Variants in PTPRU observed in about 807,000 individuals in gnomAD.
PTPRU encodes the protein receptor-type tyrosine-protein phosphatase U.
A neutral mutation model predicts 166.3 loss-of-function variants in PTPRU; 69 were observed. The ratio of observed to expected loss-of-function variants is 0.41; its 90% CI spans 0.34 to 0.51. PTPRU has a LOEUF of 0.51. Among genes scored for constraint, PTPRU ranks in the 20% least tolerant of loss-of-function variants. The pLI is 0.09. For synonymous variants in PTPRU, 793 were observed against 814.0 expected, an observed-to-expected ratio of 0.97 and a Z score of 0.44; for missense variants, 1,657 against 2,013.7, an observed-to-expected ratio of 0.82 and a Z score of 3.39.
rs780351139 is a variant in PTPRU at position 29,315,451 on chromosome 1, A to G, written c.3307A>G (p.Ile1103Val). The change falls in exon 23 of 30, where the codon ATT becomes GTT. Residue 1103 changes from isoleucine to valine, a missense_variant. Physicochemically the swap from Ile to Val is conservative, Grantham distance 29. Around this residue, in one of 3 missense-constraint regions of PTPRU, gnomAD observed 1,190 missense variants for 1,477.4 expected, o/e 0.81. Transcript: ENST00000373779. The surrounding 1 kb of genome is among the most constrained non-coding windows in gnomAD (Gnocchi z 4.5). ...GGCAGAGTGTGAGGGCGTCGTGGACATTTACAACTGTGTGAAGACTCTCTG... is the reference window on the plus strand; with the variant it reads ...GGCAGAGTGTGAGGGCGTCGTGGACGTTTACAACTGTGTGAAGACTCTCTG... ...DMAECEGVVD[I>V]YNCVKTLCSR... is the part of the protein sequence containing the mutation. 2 of 1,614,068 alleles carry G rather than the reference A, an allele frequency of 1.2e-6. No individual in the cohort carries two copies. Among genetic ancestry groups the G allele is most frequent in the Non-Finnish European group, 1.7e-6 (2 of 1,179,994 alleles).
Position 29,315,313 on chromosome 1 carries a change from C to T in PTPRU, c.3228-59C>T. 1 of 1,606,276 alleles carries T rather than the reference C, an allele frequency of 6.2e-7. No individual in the cohort carries two copies. The highest frequency in any genetic ancestry group is 8.5e-7 in the Non-Finnish European group (1 of 1,175,328). On this transcript the variant is annotated intron_variant, in intron 22 of 29. Transcript: ENST00000373779. The surrounding 1 kb of genome is among the most constrained non-coding windows in gnomAD (Gnocchi z 4.5). ...GCCAGTGCCCTCCTCTCTTCTTCTC[C>T]TTAGTCCCGGGCTTCCTCCCCAAAG... is the stretch of plus-strand genomic sequence containing the variant.
In PTPRU at chr1:29,259,291, C is replaced by T. The variant is rs200344921; in HGVS notation, c.508C>T (p.Arg170Cys). ...VLFEALISPD[R>C]RGYMGLDDIL... ...GTTTGAGGCCCTCATCTCCCCAGAC[C>T]GCAGGGGCTACATGGGCCTAGATGA... The change falls in exon 4 of 30, where the codon CGC becomes TGC. Residue 170 changes from arginine to cysteine, a missense_variant. By Grantham distance (180) the Arg-to-Cys change is radical (BLOSUM62 -3). Transcript: ENST00000373779. 1.2e-6 allele frequency: 2 copies of T among 1,614,070 alleles called. No homozygotes were observed. The highest frequency in any genetic ancestry group is 2.2e-5 in the East Asian group (1 of 44,866).
intron 5 of PTPRU, 100 bp downstream of exon 5, chr1:29,259,664 A>T (rs1684949177): frequency 9.4e-6 from 12 of 1,280,970 alleles, no homozygotes; most frequent in East Asian, 2.5e-5. Flanking sequence ...CCTGCTTCAT[A>T]CTCCAGCACT....
At chr1:29,301,852 C>G (rs534618992) in intron 15 of PTPRU, among the ~76,000 whole-genome samples, 10 of 152,268 alleles carry the variant, frequency 6.6e-5, no homozygotes, top group African/African-American at 2.4e-4. Flanking sequence ...TCTGTCCTTG[C>G]AACAGTTTGC....
intron 7 of PTPRU, among the ~76,000 whole-genome samples, chr1:29,263,383 A>C (rs4512613): frequency 0.14 from 20,734 of 152,206 alleles, 2,408 homozygotes; most frequent in East Asian, 0.64. Context: ...CCATTATACA[A>C]ATATATCACA....
chr1:29,273,081 A>C (rs1231138961), intron 7 of PTPRU, among the ~76,000 whole-genome samples: 1 of 152,048 alleles, frequency 6.6e-6, no homozygotes, highest in African/African-American at 2.4e-5. Flanking sequence ...ACTATACTTC[A>C]TGGAATCAGA....
At chr1:29,249,892 G>C (rs1389470589) in intron 1 of PTPRU, among the ~76,000 whole-genome samples, 11 of 152,146 alleles carry the variant, frequency 7.2e-5, no homozygotes, top group Admixed American at 7.2e-4. Context: ...AATTCAAAAT[G>C]AGGCCCAGCT....
Position 29,311,628 on chromosome 1 carries a change from C to G in PTPRU, c.2956-15C>G. 6.2e-7 allele frequency: 1 copy of G among 1,614,038 alleles called. No individual in the cohort carries two copies. The highest frequency in any genetic ancestry group is 8.5e-7 in the Non-Finnish European group (1 of 1,179,878). ...AGCAAAGAGCCCACTGAGTCCCGTC[C>G]TGTGGGGCCTCTAGGTGAAATGCTC... On this transcript the variant is annotated splice_polypyrimidine_tract_variant and intron_variant, in intron 20 of 29. Coordinates refer to ENST00000373779, the MANE Select transcript of PTPRU (RefSeq NM_133178.4). This position sits in a 1 kb window ranked among gnomAD's most constrained non-coding sequence, Gnocchi z 4.1.
intron 14 of PTPRU, among the ~76,000 whole-genome samples, chr1:29,288,122 A>G (rs1686446203): frequency 6.6e-6 from 1 of 152,172 alleles, no homozygotes; most frequent in Non-Finnish European, 1.5e-5. Context: ...CCCAGGCTTA[A>G]CCTCACTTTT....
chr1:29,321,508 G>A (rs952791664), intron 26 of PTPRU, among the ~76,000 whole-genome samples: 10 of 152,168 alleles, frequency 6.6e-5, no homozygotes, highest in African/African-American at 2.4e-4. Context: ...GCAGAGCTGT[G>A]CTCCCCAGCC....
chr1:29,308,585 A>AAAG (rs1003417351), intron 18 of PTPRU, among the ~76,000 whole-genome samples: 5 of 150,496 alleles, frequency 3.3e-5, no homozygotes, highest in African/African-American at 1.2e-4. Context: ...AAAAAAAAAA[A>AAAG]AGAGAGAGAG....
At chr1:29,307,244 C>G (rs1011453579) in intron 18 of PTPRU, 49 of 1,440,694 alleles carry the variant, frequency 3.4e-5, no homozygotes, top group Non-Finnish European at 4.2e-5. Flanking sequence ...CTGTCTGTCT[C>G]TCTGTCTCTG....
At chr1:29,245,676 GCCATGGT>G (rs1406543502) in intron 1 of PTPRU, among the ~76,000 whole-genome samples, 8 of 83,934 alleles carry the variant, frequency 9.5e-5, no homozygotes, top group African/African-American at 6.8e-4. Context: ...CCATGATCCT[GCCATGGT>G]CCTGCCATGT....
intron 2 of PTPRU, 78 bp downstream of exon 2, chr1:29,255,484 G>C: frequency 1.3e-6 from 2 of 1,571,848 alleles, no homozygotes; most frequent in Non-Finnish European, 1.7e-6. Flanking sequence ...GTGACCTTGG[G>C]CACATTACTT....
chr1:29,325,968 T>TTTTTTAATGATAC lies in PTPRU; in HGVS notation c.*307_*308insTTTTTAATGATAC. On this transcript the variant is annotated 3_prime_UTR_variant, in exon 30 of 30. Transcript: ENST00000373779. ...CAGAGTGACAAAGGCTCAGGACGGC[T>TTTTTTAATGATAC]GGCTCTGGGGGACTCAGGCCAAGCC... 9 of 447,462 alleles carry TTTTTTAATGATAC rather than the reference T, an allele frequency of 2.0e-5. No individual in the cohort carries two copies. The highest frequency in any genetic ancestry group is 6.8e-5 in the South Asian group (1 of 14,728). The allele number at this position is 447,462 out of a possible 1,614,324, so 27.7% of individuals were successfully genotyped here.
At chr1:29,297,752 T>C (rs1023016406) in intron 15 of PTPRU, among the ~76,000 whole-genome samples, 1 of 152,188 alleles carries the variant, frequency 6.6e-6, no homozygotes, top group Non-Finnish European at 1.5e-5. Flanking sequence ...TGGGCTCTGC[T>C]CCTGGGATTC....
intron 7 of PTPRU, among the ~76,000 whole-genome samples, chr1:29,275,181 A>G (rs1271422417): frequency 4.6e-5 from 7 of 152,028 alleles, no homozygotes; most frequent in Non-Finnish European, 1.0e-4. Flanking sequence ...TTCATTTTGC[A>G]GTTGAGGAAT....
chr1:29,277,262 G>C (rs1685847189), intron 8 of PTPRU, among the ~76,000 whole-genome samples: 2 of 152,038 alleles, frequency 1.3e-5, no homozygotes, highest in Non-Finnish European at 2.9e-5. Flanking sequence ...CACCACGCCT[G>C]GCTAATTTTT....
Position 29,291,795 on chromosome 1 carries a change from G to A in PTPRU, c.2319-74G>A, listed in dbSNP as rs1686644296. On this transcript the variant is annotated intron_variant, in intron 14 of 29. Coordinates refer to ENST00000373779, the MANE Select transcript of PTPRU (RefSeq NM_133178.4). This position sits in a 1 kb window ranked among gnomAD's most constrained non-coding sequence, Gnocchi z 4.1. ...TGGCCTTGAGGTCCCCTTACTCCAG[G>A]GCCTCCCCAGCCACCTCTGGGTGCT... The A allele has an allele frequency of 2.0e-6, 3 of 1,523,734 alleles. No individual in the cohort carries two copies. In the African/African-American group the frequency reaches 4.1e-5, roughly 21 times the overall value. The allele number at this position is 1,523,734 out of a possible 1,614,324, so 94.4% of individuals were successfully genotyped here.
Sources: allele counts gnomAD v4.1 joint callset (sites outside exome capture counted in the v4.1 genomes callset), GRCh38; gene constraint gnomAD v4.1.1; regional missense constraint gnomAD v4.1.1; non-coding constraint Gnocchi (gnomAD v3.1); transcripts MANE v1.5; gene names NCBI Gene and HGNC (gene_info 2026-07-23, HGNC 2026-07-21).